TFCP2L1: variants seen among roughly 807,000 people sequenced by gnomAD.
TFCP2L1 encodes the protein transcription factor CP2 like 1.
TFCP2L1 carries 12 observed loss-of-function variants against 72.2 expected under a neutral mutation model. The ratio of observed to expected loss-of-function variants is 0.17; its 90% CI spans 0.11 to 0.27. The LOEUF is 0.27. Among genes scored for constraint, TFCP2L1 ranks in the 10% least tolerant of loss-of-function variants. TFCP2L1 has a pLI of 1.00. For missense variants in TFCP2L1, 488 were observed against 624.6 expected, an observed-to-expected ratio of 0.78 and a Z score of 2.33; for synonymous variants, 260 against 251.0, an observed-to-expected ratio of 1.04 and a Z score of -0.34.
At chr2:121,238,772 G>C (rs1029053753) in intron 8 of TFCP2L1, among the ~76,000 whole-genome samples, 12 of 152,034 alleles carry the variant, frequency 7.9e-5, no homozygotes, top group Non-Finnish European at 1.6e-4. Flanking sequence ...TTGAAGACTA[G>C]GTCTGCCTGA....
chr2:121,278,665 G>A (rs1687195188), intron 2 of TFCP2L1, among the ~76,000 whole-genome samples: 1 of 148,378 alleles, frequency 6.7e-6, no homozygotes, highest in African/African-American at 2.5e-5. Context: ...CAGCCTGGGT[G>A]ACAGAGCAAG....
At position 121,219,396 on chromosome 2, in the gene TFCP2L1, T is replaced by C. The variant is rs1377679017; in HGVS notation, c.*4945A>G. 2 of 152,316 alleles carry C rather than the reference T, an allele frequency of 1.3e-5. No homozygotes were observed. The highest frequency in any genetic ancestry group is 2.9e-5 in the Non-Finnish European group (2 of 68,090). The allele number at this position is 152,316 out of a possible 1,614,324, so 9.4% of individuals were successfully genotyped here. ...GCACATGTGCACCAATGACACAGACTGTGCCTGCACTGTGTCTGGCCCCTG... is the reference window on the plus strand; with the variant it reads ...GCACATGTGCACCAATGACACAGACCGTGCCTGCACTGTGTCTGGCCCCTG... On this transcript the variant is annotated 3_prime_UTR_variant, in exon 15 of 15. Transcript: ENST00000263707.
At chr2:121,265,304 G>A (rs1380120112) in intron 2 of TFCP2L1, among the ~76,000 whole-genome samples, 1 of 152,198 alleles carries the variant, frequency 6.6e-6, no homozygotes, top group African/African-American at 2.4e-5. Flanking sequence ...CTGGTTGCCT[G>A]AGGGCGGGGG....
chr2:121,226,050 C>T (rs974419207), intron 13 of TFCP2L1, among the ~76,000 whole-genome samples: 10 of 144,338 alleles, frequency 6.9e-5, no homozygotes, highest in South Asian at 4.6e-4. Flanking sequence ...TGGTAAACAC[C>T]ACTGCCACGG....
chr2:121,224,931 G>C lies in TFCP2L1; in HGVS notation c.1394-544C>G, dbSNP rs980645292. Among the ~76,000 whole-genome samples the C allele has an allele frequency of 4.0e-5, 6 of 150,840 alleles. No homozygotes were observed. In the East Asian group the frequency reaches 5.9e-4, roughly 15 times the overall value. On this transcript the variant is annotated intron_variant, in intron 14 of 14. Coordinates refer to ENST00000263707, the MANE Select transcript of TFCP2L1 (RefSeq NM_014553.3). The stretch of plus-strand genomic sequence containing the variant: ...ACCCGGGAGGCGGAGCTTGCAGTGA[G>C]CTGAGATCGCGCCATTGCCCTCCAG...
intron 2 of TFCP2L1, among the ~76,000 whole-genome samples, chr2:121,264,589 G>A (rs1471985456): frequency 1.3e-5 from 2 of 152,224 alleles, no homozygotes; most frequent in African/African-American, 4.8e-5. Flanking sequence ...GGAGGCTTTG[G>A]TGGCCTTGCT....
chr2:121,249,422 A>T, intron 3 of TFCP2L1, 149 bp downstream of exon 3: 1 of 694,378 alleles, frequency 1.4e-6, no homozygotes, highest in Non-Finnish European at 2.4e-6. Flanking sequence ...GAAGCCAAAC[A>T]GGGGCTGCGT....
chr2:121,253,143 C>T lies in TFCP2L1; in HGVS notation c.215-3496G>A, dbSNP rs554221460. Among the ~76,000 whole-genome samples, 21 of 152,326 alleles carry T rather than the reference C, an allele frequency of 1.4e-4. No homozygotes were observed. In the East Asian group the frequency reaches 3.9e-3, roughly 28 times the overall value. On this transcript the variant is annotated intron_variant, in intron 2 of 14. Transcript: ENST00000263707. The stretch of plus-strand genomic sequence containing the variant: ...GCTCCCCACCGGCCATGACACTGGC[C>T]GAGCACAGCCATGCCCACTGGGTCA...
Position 121,242,363 on chromosome 2 carries a change from G to A in TFCP2L1, c.764C>T (p.Thr255Ile), listed in dbSNP as rs1277922285. The A allele has an allele frequency of 1.2e-6, 2 of 1,614,048 alleles. No homozygotes were observed. Among genetic ancestry groups the A allele is most frequent in the Non-Finnish European group, 8.5e-7 (1 of 1,179,942 alleles). Residue 255 changes from threonine (T) to isoleucine (I), a missense_variant, in exon 7 of 15, where the codon ACA becomes ATA. By Grantham distance (89) the Thr-to-Ile change is moderately conservative. Around this residue, in one of 3 missense-constraint regions of TFCP2L1, gnomAD observed 286 missense variants for 329.0 expected, o/e 0.87. Transcript: ENST00000263707. ...YQPSYETTILTECSPWPDVAY... is the reference protein window; with the variant it reads ...YQPSYETTILIECSPWPDVAY... ...CCCCGCACCCAGCCGGCTCACCTCTGTGAGGATGGTGGTTTCATAGGACGG... is the reference window on the plus strand; with the variant it reads ...CCCCGCACCCAGCCGGCTCACCTCTATGAGGATGGTGGTTTCATAGGACGG...
chr2:121,281,367 G>GC lies in TFCP2L1; in HGVS notation c.63-97dup, dbSNP rs1361479107. 3.0e-5 allele frequency: 43 copies of GC among 1,412,902 alleles called. 1 individual carries two copies. Among genetic ancestry groups the GC allele is most frequent in the Non-Finnish European group, 2.6e-5 (27 of 1,055,992 alleles). The allele number at this position is 1,412,902 out of a possible 1,614,324, so 87.5% of individuals were successfully genotyped here. A position where few individuals can be genotyped will look rare whatever the true frequency, so the allele number is the denominator to read the frequency against. On this transcript the variant is annotated intron_variant, in intron 1 of 14. Transcript: ENST00000263707. ...TAGAGAGACGACGCAGACCACCGGGGCCCAGGGTGACACGGCACGCGCATC... is the reference window on the plus strand; with the variant it reads ...TAGAGAGACGACGCAGACCACCGGGGCCCCAGGGTGACACGGCACGCGCATC...
chr2:121,232,043 A>G, intron 12 of TFCP2L1, 75 bp from the exon 13 acceptor site: 1 of 1,495,058 alleles, frequency 6.7e-7, no homozygotes, highest in Non-Finnish European at 9.0e-7. Flanking sequence ...CGCCCTGAGA[A>G]AGCAGTAAGT....
At chr2:121,257,981 C>G (rs1308302385) in intron 2 of TFCP2L1, among the ~76,000 whole-genome samples, 4 of 152,134 alleles carry the variant, frequency 2.6e-5, no homozygotes, top group Non-Finnish European at 5.9e-5. Context: ...CCCCCAGCAC[C>G]ATGGACAATA....
intron 14 of TFCP2L1, among the ~76,000 whole-genome samples, chr2:121,224,610 A>G (rs1282645467): frequency 1.3e-5 from 2 of 152,214 alleles, no homozygotes. Context: ...CCCCAGGCCC[A>G]AGGATGAAAA....
chr2:121,270,307 A>G (rs1420131689), intron 2 of TFCP2L1, among the ~76,000 whole-genome samples: 1 of 152,228 alleles, frequency 6.6e-6, no homozygotes, highest in Non-Finnish European at 1.5e-5. Context: ...CCTCAAGTTT[A>G]TATTTCATGT....
At chr2:121,249,512 G>C in intron 3 of TFCP2L1, 59 bp downstream of exon 3, 1 of 1,559,292 alleles carries the variant, frequency 6.4e-7, no homozygotes, top group South Asian at 1.1e-5. Context: ...AAGCCCAGGT[G>C]CCCAGACCCT....
intron 13 of TFCP2L1, among the ~76,000 whole-genome samples, chr2:121,227,330 C>T (rs1429668389): frequency 6.6e-6 from 1 of 152,156 alleles, no homozygotes; most frequent in Non-Finnish European, 1.5e-5. Flanking sequence ...GTAAGTTTTA[C>T]AAATTTTTTC....
intron 2 of TFCP2L1, among the ~76,000 whole-genome samples, chr2:121,268,411 T>C (rs1044541865): frequency 3.3e-5 from 5 of 152,252 alleles, no homozygotes; most frequent in African/African-American, 1.2e-4. Flanking sequence ...TGGAGTGCAG[T>C]GGCACGATCT....
intron 8 of TFCP2L1, among the ~76,000 whole-genome samples, chr2:121,238,234 CT>C (rs1194894722): frequency 6.6e-6 from 1 of 152,146 alleles, no homozygotes; most frequent in East Asian, 1.9e-4. Context: ...GCCTTGGCAC[CT>C]GAAGGCTACC....
chr2:121,271,194 T>TA (rs1558744728), intron 2 of TFCP2L1, among the ~76,000 whole-genome samples: 10 of 111,162 alleles, frequency 9.0e-5, no homozygotes, highest in Non-Finnish European at 1.2e-4. Flanking sequence ...CGTCTCAAAA[T>TA]AAAAATAAAA....
Sources: allele counts gnomAD v4.1 joint callset (sites outside exome capture counted in the v4.1 genomes callset), GRCh38; gene constraint gnomAD v4.1.1; regional missense constraint gnomAD v4.1.1; transcripts MANE v1.5; gene names NCBI Gene and HGNC (gene_info 2026-07-23, HGNC 2026-07-21).